NCKAP5: variants seen among roughly 807,000 people sequenced by gnomAD.
NCKAP5 encodes nck-associated protein 5.
In NCKAP5, 92 loss-of-function variants were observed where a neutral mutation model predicts 167.0. The observed-to-expected ratio is 0.55, with a 90% CI of 0.47 to 0.66. NCKAP5 has a LOEUF of 0.66. Ranked by LOEUF, NCKAP5 falls within the 30% of genes least tolerant of loss-of-function variation. NCKAP5 has a pLI of 0.00. For synonymous variants in NCKAP5, 891 were observed against 877.4 expected (o/e 1.02, Z -0.27); for missense variants, 2,378 against 2,315.0 (o/e 1.03, Z -0.56).
chr2:132,725,790 A>C (rs779433484), intron 18 of NCKAP5, 31 bp from the exon 19 acceptor site: 1 of 1,606,750 alleles, frequency 6.2e-7, no homozygotes, highest in African/African-American at 1.3e-5. Context: ...TGTTAAGATA[A>C]TTCATACAAA....
intron 2 of NCKAP5, among the ~76,000 whole-genome samples, chr2:133,556,033 G>A (rs184469858): frequency 1.3e-5 from 2 of 152,210 alleles, no homozygotes; most frequent in African/African-American, 2.4e-5. Flanking sequence ...TACACAAACC[G>A]TATGATTCCA....
chr2:133,524,344 T>G (rs1457499702), intron 2 of NCKAP5, among the ~76,000 whole-genome samples: 2 of 152,176 alleles, frequency 1.3e-5, no homozygotes, highest in Non-Finnish European at 2.9e-5. Context: ...AAAGAAATGT[T>G]AGATACAAAC....
the NCKAP5 span, among the ~76,000 whole-genome samples, chr2:133,610,192 G>A: frequency 3.9e-5 from 6 of 152,222 alleles, no homozygotes; most frequent in South Asian, 6.2e-4. Context: ...AACACAATGG[G>A]GTGATTTCTG....
intron 6 of NCKAP5, among the ~76,000 whole-genome samples, chr2:133,110,518 G>A (rs538975259): frequency 2.6e-5 from 4 of 152,206 alleles, no homozygotes; most frequent in Admixed American, 1.3e-4. Flanking sequence ...GAAGTATTTC[G>A]GCATTTTAAA....
intron 5 of NCKAP5, among the ~76,000 whole-genome samples, chr2:133,164,418 G>A (rs1438250139): frequency 2.0e-5 from 3 of 152,148 alleles, no homozygotes; most frequent in Non-Finnish European, 2.9e-5. Flanking sequence ...TGGCAACGTT[G>A]TTCACTCCTG....
chr2:132,735,800 T>C (rs1418630982), intron 16 of NCKAP5, among the ~76,000 whole-genome samples: 1 of 152,202 alleles, frequency 6.6e-6, no homozygotes, highest in East Asian at 1.9e-4. Context: ...TACACGTTTG[T>C]CTAACCTATA....
At chr2:133,090,306 C>A (rs1419904304) in intron 6 of NCKAP5, among the ~76,000 whole-genome samples, 1 of 151,720 alleles carries the variant, frequency 6.6e-6, no homozygotes, top group East Asian at 1.9e-4. Context: ...CCTGAGATAT[C>A]TGGGTAAGCT....
intron 6 of NCKAP5, among the ~76,000 whole-genome samples, chr2:133,024,193 A>T (rs1224010424): frequency 6.6e-6 from 1 of 152,226 alleles, no homozygotes; most frequent in Non-Finnish European, 1.5e-5. Flanking sequence ...GAAAATTCAA[A>T]GGATACTCAA....
At chr2:133,594,388 T>C in the NCKAP5 span, among the ~76,000 whole-genome samples, 9 of 152,198 alleles carry the variant, frequency 5.9e-5, no homozygotes, top group Non-Finnish European at 1.0e-4. Flanking sequence ...TGGCACTCCC[T>C]GACATGCCAC....
intron 3 of NCKAP5, among the ~76,000 whole-genome samples, chr2:133,377,272 T>C (rs995198640): frequency 3.3e-5 from 5 of 152,214 alleles, no homozygotes; most frequent in Non-Finnish European, 7.3e-5. Flanking sequence ...TGTATAACTA[T>C]TCATTTCAAA....
At chr2:133,068,377 C>G (rs1195198722) in intron 6 of NCKAP5, among the ~76,000 whole-genome samples, 2 of 152,184 alleles carry the variant, frequency 1.3e-5, no homozygotes, top group African/African-American at 4.8e-5. Flanking sequence ...GGATGATCAG[C>G]TGTTTCATAT....
At chr2:132,760,722 A>G (rs1680931695) in intron 16 of NCKAP5, among the ~76,000 whole-genome samples, 1 of 152,230 alleles carries the variant, frequency 6.6e-6, no homozygotes, top group African/African-American at 2.4e-5. Flanking sequence ...GGGTTCTGCC[A>G]GATTCCAAGG....
rs150022020 is a variant in NCKAP5 at position 133,296,610 on chromosome 2, CAT to C, written c.143+6425_143+6426del. On this transcript the variant is annotated intron_variant, in intron 4 of 19. Transcript: ENST00000409261. Reference sequence around the variant, plus strand: ...ATAATATTTAAGTGTTATTTAAAAACATGTGTTTTATAAATGCAATATAATAT... The same window carrying C: ...ATAATATTTAAGTGTTATTTAAAAACGTGTTTTATAAATGCAATATAATAT... 1.3e-5 allele frequency among the ~76,000 whole-genome samples: 2 copies of C among 152,276 alleles called. 1 individual carries two copies. Among genetic ancestry groups the C allele is most frequent in the African/African-American group, 4.8e-5 (2 of 41,544 alleles).
intron 19 of NCKAP5, among the ~76,000 whole-genome samples, chr2:132,682,098 A>T (rs1005167045): frequency 2.0e-5 from 3 of 152,200 alleles, no homozygotes; most frequent in African/African-American, 7.2e-5. Context: ...AAATTTATTG[A>T]TCCTTATTCT....
intron 3 of NCKAP5, among the ~76,000 whole-genome samples, chr2:133,399,213 T>C (rs1320873897): frequency 1.3e-5 from 2 of 151,846 alleles, no homozygotes; most frequent in South Asian, 4.2e-4. Context: ...GCTATAGGAA[T>C]ACCAGGAAGA....
chr2:133,137,988 AT>A (rs912931825), intron 5 of NCKAP5, among the ~76,000 whole-genome samples: 3 of 151,872 alleles, frequency 2.0e-5, no homozygotes, highest in African/African-American at 4.8e-5. Flanking sequence ...TAAACATTTG[AT>A]TTTTTTTAGA....
At chr2:133,673,837 T>G in the NCKAP5 span, among the ~76,000 whole-genome samples, 1 of 152,200 alleles carries the variant, frequency 6.6e-6, no homozygotes, top group African/African-American at 2.4e-5. Flanking sequence ...TGTGCAAGAT[T>G]CTTTGTTTGC....
chr2:133,474,171 C>G (rs1243363394), intron 3 of NCKAP5, among the ~76,000 whole-genome samples: 1 of 151,300 alleles, frequency 6.6e-6, no homozygotes, highest in African/African-American at 2.4e-5. Context: ...CACACACACA[C>G]ACACACGTAC....
At chr2:132,923,601 C>T (rs1178938839) in intron 8 of NCKAP5, among the ~76,000 whole-genome samples, 1 of 152,090 alleles carries the variant, frequency 6.6e-6, no homozygotes, top group Non-Finnish European at 1.5e-5. Context: ...TGATCATCAC[C>T]TAATGGGCTC....
Sources: allele counts gnomAD v4.1 joint callset (sites outside exome capture counted in the v4.1 genomes callset), GRCh38; gene constraint gnomAD v4.1.1; transcripts MANE v1.5; gene names NCBI Gene and HGNC (gene_info 2026-07-23, HGNC 2026-07-21).